The following COL6A5 variants were observed in gnomAD, a reference collection of about 807,000 sequenced individuals.
COL6A5 encodes the protein collagen type VI alpha 5 chain.
Under a neutral mutation model 65.6 loss-of-function variants are expected in COL6A5, and 48 were observed. The observed-to-expected ratio is 0.73, with a 90% CI of 0.58 to 0.93. The LOEUF is 0.93. Among genes scored for constraint, COL6A5 ranks in the 40% least tolerant of loss-of-function variants. COL6A5 has a pLI of 0.00. For missense variants in COL6A5, 914 were observed against 928.3 expected, an observed-to-expected ratio of 0.98 and a Z score of 0.20; for synonymous variants, 291 against 322.8, an observed-to-expected ratio of 0.90 and a Z score of 1.05.
At chr3:130,439,599 C>T (rs1421381355) in exon 2 of COL6A5, 7 of 1,550,810 alleles carry the variant, frequency 4.5e-6, no homozygotes, top group Non-Finnish European at 6.1e-6. Context: ...GACTTCGGCG[C>T]TGTGCACTTT....
intron 1 of COL6A5, among the ~76,000 whole-genome samples, chr3:130,373,363 G>T (rs780638240): frequency 1.3e-5 from 2 of 152,142 alleles, no homozygotes; most frequent in Non-Finnish European, 2.9e-5. Flanking sequence ...TAAGATTGTT[G>T]TGAGGATTAA....
At chr3:130,393,688 C>T (rs888618381) in intron 7 of COL6A5, among the ~76,000 whole-genome samples, 1 of 152,184 alleles carries the variant, frequency 6.6e-6, no homozygotes, top group African/African-American at 2.4e-5. Context: ...GACCAAATAA[C>T]TCAAATAGTG....
Position 130,392,374 on chromosome 3 carries a change from T to C in COL6A5, c.2992+620T>C, listed in dbSNP as rs1936433561. On this transcript the variant is annotated intron_variant and NMD_transcript_variant, in intron 7 of 41. Coordinates refer to the COL6A5 transcript ENST00000312481. ...GAACTGAGATGATTACCAGCTACCA[T>C]TGGGGTTGGTAGGCTGGAGACATCA... 2.0e-5 allele frequency among the ~76,000 whole-genome samples: 3 copies of C among 152,166 alleles called. No individual in the cohort carries two copies. In the South Asian group the frequency reaches 6.2e-4, roughly 32 times the overall value.
intron 20 of COL6A5, 51 bp from the exon 21 acceptor site, chr3:130,413,494 A>T (rs1937242034): frequency 1.3e-6 from 2 of 1,506,192 alleles, no homozygotes; most frequent in African/African-American, 1.4e-5. Flanking sequence ...GCCTCAAGGA[A>T]CCCCTCCATT....
At chr3:130,345,766 C>T (rs1024529548) in exon 1 of COL6A5, 9 of 398,562 alleles carry the variant, frequency 2.3e-5, no homozygotes, top group Admixed American at 4.4e-5. Flanking sequence ...CCTCTCAGGG[C>T]ACGAGGCGTT....
At chr3:130,411,242 G>T (rs979322848) in intron 20 of COL6A5, among the ~76,000 whole-genome samples, 19 of 152,130 alleles carry the variant, frequency 1.2e-4, no homozygotes, top group Admixed American at 1.2e-3. Flanking sequence ...TACTGAAGCT[G>T]GAAGTGATAT....
exon 9 of COL6A5, chr3:130,397,628 T>C: frequency 6.4e-7 from 1 of 1,551,512 alleles, no homozygotes. Flanking sequence ...TCCACTCATG[T>C]GCAGGGGCAG....
intron 3 of COL6A5, among the ~76,000 whole-genome samples, chr3:130,441,073 C>T (rs1483408897): frequency 2.0e-5 from 3 of 152,106 alleles, no homozygotes; most frequent in Admixed American, 6.6e-5. Context: ...TAGAAAGCCA[C>T]AGAGTGACTA....
At chr3:130,364,278 A>G (rs1265770539) in intron 1 of COL6A5, among the ~76,000 whole-genome samples, 1 of 152,222 alleles carries the variant, frequency 6.6e-6, no homozygotes, top group Non-Finnish European at 1.5e-5. Flanking sequence ...TGCATATGAC[A>G]TTTTAAAAAA....
intron 24 of COL6A5, among the ~76,000 whole-genome samples, chr3:130,417,107 C>T (rs535654329): frequency 6.6e-6 from 1 of 151,898 alleles, no homozygotes; most frequent in East Asian, 2.0e-4. Context: ...CCGACAGACC[C>T]TAGTGTGTGA....
intron 10 of COL6A5, among the ~76,000 whole-genome samples, chr3:130,399,424 G>A (rs530395275): frequency 1.1e-4 from 17 of 148,882 alleles, no homozygotes; most frequent in African/African-American, 3.5e-4. Context: ...AGGCTGGAGC[G>A]CAGTGGCCCG....
intron 1 of COL6A5, among the ~76,000 whole-genome samples, chr3:130,346,886 GA>G (rs1389448562): frequency 6.6e-6 from 1 of 152,140 alleles, no homozygotes; most frequent in African/African-American, 2.4e-5. Context: ...CACACTGCAA[GA>G]TTTTTTTCCA....
chr3:130,357,167 T>C (rs895167837), intron 1 of COL6A5, among the ~76,000 whole-genome samples: 6 of 150,564 alleles, frequency 4.0e-5, no homozygotes, highest in African/African-American at 1.2e-4. Context: ...CCCTAGAGAG[T>C]AGAAAAAAAG....
chr3:130,427,744 G>C (rs1937635112), upstream of COL6A5, among the ~76,000 whole-genome samples: 1 of 152,054 alleles, frequency 6.6e-6, no homozygotes, highest in African/African-American at 2.4e-5. Context: ...GAATCTCAAG[G>C]AGTTTCTGTT....
At chr3:130,452,293 A>G (rs322119) in intron 4 of COL6A5, among the ~76,000 whole-genome samples, 126,144 of 151,992 alleles carry the variant, frequency 0.83, 53,979 homozygotes, top group Non-Finnish European at 0.93. Flanking sequence ...GAAAGACCAC[A>G]TGGGCACCAG....
chr3:130,468,980 ACTCCACTGAC>A lies in COL6A5; in HGVS notation c.1737_1746del (p.Leu580ProfsTer2), dbSNP rs929325994. 1.2e-6 allele frequency: 2 copies of A among 1,612,452 alleles called. No homozygotes were observed. Among genetic ancestry groups the A allele is most frequent in the African/African-American group, 2.7e-5 (2 of 74,738 alleles). On this transcript the variant is annotated frameshift_variant, in exon 6 of 8. Transcript: ENST00000512836. LOFTEE classifies it high-confidence loss of function. ...GCTTGATTACTTTCACATTGCCCCC[ACTCCACTGAC>A]CTCCACCTTAGGAGACAGGGTTGCT...
rs1016077361 is a variant in COL6A5 at position 130,354,651 on chromosome 3, A to G, written c.-29+8670A>G. ...CCACTTCCTAAAAGAGTCACTTCCT[A>G]GAAGTACTACTTGAAGAGTCATCTA... On this transcript the variant is annotated intron_variant and NMD_transcript_variant, in intron 1 of 41. Coordinates refer to the COL6A5 transcript ENST00000312481. 4.6e-5 allele frequency among the ~76,000 whole-genome samples: 7 copies of G among 152,310 alleles called. No homozygotes were observed. In the South Asian group the frequency reaches 1.0e-3, roughly 23 times the overall value.
At chr3:130,417,688 A>T (rs1246009030) in intron 24 of COL6A5, among the ~76,000 whole-genome samples, 1 of 152,108 alleles carries the variant, frequency 6.6e-6, no homozygotes, top group South Asian at 2.1e-4. Context: ...CCTCATCGGA[A>T]TCTGACTCCC....
exon 8 of COL6A5, chr3:130,395,101 G>T: frequency 1.3e-6 from 2 of 1,551,648 alleles, no homozygotes; most frequent in South Asian, 1.2e-5. Flanking sequence ...AAACCCAGTG[G>T]AAGACTCAAA....
Sources: gnomAD v4.1 joint callset for allele counts (sites outside exome capture counted in the v4.1 genomes callset) on GRCh38, gnomAD v4.1.1 for gene constraint, MANE v1.5 for transcripts, NCBI Gene and HGNC (gene_info 2026-07-23, HGNC 2026-07-21) for gene names.